The following ADAM29 variants were observed in gnomAD, a reference collection of about 807,000 sequenced individuals.
ADAM29 encodes disintegrin and metalloproteinase domain-containing protein 29.
For synonymous variants in ADAM29, 367 were observed against 342.3 expected, an observed-to-expected ratio of 1.07 and a Z score of -0.80; for missense variants, 969 against 1,001.8, an observed-to-expected ratio of 0.97 and a Z score of 0.44.
intron 2 of ADAM29, among the ~76,000 whole-genome samples, chr4:174,924,354 G>C (rs997030807): frequency 6.6e-6 from 1 of 152,206 alleles, no homozygotes; most frequent in East Asian, 1.9e-4. Context: ...TAAGGATGCA[G>C]TGCAACAGGA....
rs979548399 is a variant in ADAM29, at chr4:174,923,545, A to G, written c.-451+2753A>G. Among the ~76,000 whole-genome samples the G allele has an allele frequency of 8.4e-5, 12 of 143,442 alleles. No individual in the cohort carries two copies. In the South Asian group the frequency reaches 8.8e-4, roughly 11 times the overall value. 94.1% of individuals were successfully genotyped at this position (143,442 alleles called of 152,430 possible). A position where few individuals can be genotyped will look rare whatever the true frequency, so the allele number is the denominator to read the frequency against. On this transcript the variant is annotated intron_variant, in intron 2 of 4. Transcript: ENST00000359240. ...TATATGTATATATATATATATATATATATATATATATATATACACACACAC... is the reference window on the plus strand; with the variant it reads ...TATATGTATATATATATATATATATGTATATATATATATATACACACACAC...
intron 4 of ADAM29, among the ~76,000 whole-genome samples, chr4:174,938,572 T>C (rs73871824): frequency 0.17 from 25,288 of 151,806 alleles, 2,462 homozygotes; most frequent in East Asian, 0.26. Context: ...AATAATGTTT[T>C]CATAAAATGT....
intron 2 of ADAM29, among the ~76,000 whole-genome samples, chr4:174,928,569 T>TTAAAAAAA (rs761103217): frequency 7.6e-6 from 1 of 131,816 alleles, no homozygotes; most frequent in Non-Finnish European, 1.6e-5. Context: ...GTCATGTGCT[T>TTAAAAAAA]AAAAAAAAAA....
chr4:174,928,327 G>A (rs577441653), intron 2 of ADAM29, among the ~76,000 whole-genome samples: 4 of 152,080 alleles, frequency 2.6e-5, no homozygotes, highest in East Asian at 3.9e-4. Context: ...TGTCTTGACC[G>A]CATCCTGGAG....
At chr4:174,927,646 G>C (rs971241750) in intron 2 of ADAM29, among the ~76,000 whole-genome samples, 1 of 152,118 alleles carries the variant, frequency 6.6e-6, no homozygotes, top group Non-Finnish European at 1.5e-5. Context: ...TGTTGATCTT[G>C]TAACCTGCAG....
rs761413218 is a variant in ADAM29, at chr4:174,977,176, T to C, written c.1651T>C (p.Cys551Arg). ...YIKCNISDVQ[C>R]GRIQCENVTE... The stretch of plus-strand genomic sequence containing the variant: ...AAAGTGTAATATCTCAGATGTCCAG[T>C]GTGGAAGAATTCAGTGTGAGAATGT... Residue 551 changes from cysteine (C) to arginine (R), a missense_variant, in exon 5 of 5, where the codon TGT (cysteine) becomes CGT (arginine). By Grantham distance (180) the Cys-to-Arg change is radical. Coordinates refer to ENST00000359240, the MANE Select transcript of ADAM29 (RefSeq NM_014269.4). 6.2e-7 allele frequency: 1 copy of C among 1,614,096 alleles called. No individual in the cohort carries two copies. Among genetic ancestry groups the C allele is most frequent in the Admixed American group, 1.7e-5 (1 of 60,010 alleles).
intron 4 of ADAM29, among the ~76,000 whole-genome samples, chr4:174,974,924 A>C (rs1286118705): frequency 6.6e-6 from 1 of 152,234 alleles, no homozygotes; most frequent in Non-Finnish European, 1.5e-5. Flanking sequence ...CTAATTTATC[A>C]TCTGAAATGG....
intron 4 of ADAM29, among the ~76,000 whole-genome samples, chr4:174,939,355 C>T (rs370592194): frequency 3.9e-5 from 6 of 152,132 alleles, no homozygotes; most frequent in African/African-American, 1.4e-4. Flanking sequence ...ATTACCTCCT[C>T]CAGAAATCAT....
chr4:174,929,163 T>G (rs1743695258), intron 2 of ADAM29, among the ~76,000 whole-genome samples: 1 of 152,202 alleles, frequency 6.6e-6, no homozygotes, highest in Non-Finnish European at 1.5e-5. Flanking sequence ...TTTGTTTTCC[T>G]GACAGTTTCC....
intron 2 of ADAM29, among the ~76,000 whole-genome samples, chr4:174,927,704 T>C (rs1240001062): frequency 6.6e-6 from 1 of 152,166 alleles, no homozygotes; most frequent in East Asian, 1.9e-4. Context: ...ATAATATATT[T>C]ATAGGGCTAG....
At chr4:174,930,089 C>T (rs1295405079) in intron 2 of ADAM29, among the ~76,000 whole-genome samples, 4 of 152,092 alleles carry the variant, frequency 2.6e-5, no homozygotes, top group South Asian at 2.1e-4. Context: ...CCACCATGCC[C>T]GGCTCATTTT....
Position 174,976,201 on chromosome 4 carries a change from T to C in ADAM29, c.676T>C (p.Tyr226His). 6.2e-7 allele frequency: 1 copy of C among 1,607,590 alleles called. No homozygotes were observed. The highest frequency in any genetic ancestry group is 8.5e-7 in the Non-Finnish European group (1 of 1,177,904). ...CGACTCAAAGTTGCTGGAGGATCTA[T>C]ATGTTATTGTTAATATAGTGGATTC... Reference protein sequence around the residue: ...RNDSKLLEDLYVIVNIVDSIL... With the variant: ...RNDSKLLEDLHVIVNIVDSIL... Residue 226 changes from tyrosine (Y) to histidine (H), a missense_variant, in exon 5 of 5, where the codon TAT becomes CAT. Transcript: ENST00000359240.
chr4:174,942,446 A>C (rs1167279977), intron 4 of ADAM29, among the ~76,000 whole-genome samples: 1 of 151,968 alleles, frequency 6.6e-6, no homozygotes, highest in African/African-American at 2.4e-5. Flanking sequence ...CCAAAGTTCA[A>C]CTCTTGTCTT....
chr4:174,963,041 T>A (rs1443106004), intron 4 of ADAM29, among the ~76,000 whole-genome samples: 1 of 152,180 alleles, frequency 6.6e-6, no homozygotes, highest in Non-Finnish European at 1.5e-5. Context: ...CAGTATGAAG[T>A]ACATGGGACA....
At chr4:174,975,254 T>G in intron 4 of ADAM29, 92 bp from the exon 5 acceptor site, 1 of 324,936 alleles carries the variant, frequency 3.1e-6, no homozygotes. Flanking sequence ...TTATCTCATG[T>G]TTTTTTCTCT....
intron 3 of ADAM29, among the ~76,000 whole-genome samples, chr4:174,933,696 A>G (rs1036218014): frequency 6.6e-6 from 1 of 152,132 alleles, no homozygotes; most frequent in Non-Finnish European, 1.5e-5. Flanking sequence ...TCTCATCCTT[A>G]AGCTCCAACT....
chr4:174,920,139 C>G (rs954793977), intron 1 of ADAM29, among the ~76,000 whole-genome samples: 2 of 152,120 alleles, frequency 1.3e-5, no homozygotes, highest in South Asian at 4.1e-4. Flanking sequence ...AGTCAAATAT[C>G]TCTTCCATCT....
At chr4:174,949,168 A>G (rs1745021348) in intron 4 of ADAM29, among the ~76,000 whole-genome samples, 1 of 151,972 alleles carries the variant, frequency 6.6e-6, no homozygotes, top group South Asian at 2.1e-4. Flanking sequence ...GCCCCAGGAG[A>G]TGCCAGTAGA....
chr4:174,924,307 G>T (rs1743360334), intron 2 of ADAM29, among the ~76,000 whole-genome samples: 1 of 152,100 alleles, frequency 6.6e-6, no homozygotes, highest in South Asian at 2.1e-4. Context: ...TGTTAAAGAG[G>T]TTAAAATTTA....
Sources: allele counts gnomAD v4.1 joint callset (sites outside exome capture counted in the v4.1 genomes callset), GRCh38; gene constraint gnomAD v4.1.1; transcripts MANE v1.5; gene names NCBI Gene and HGNC (gene_info 2026-07-23, HGNC 2026-07-21).